The following TRIQK variants were observed in gnomAD, a reference collection of about 807,000 sequenced individuals.
TRIQK encodes the protein triple QxxK/R motif-containing protein.
Under a neutral mutation model 10.8 loss-of-function variants are expected in TRIQK, and 10 were observed. The observed-to-expected ratio is 0.92, with a 90% CI of 0.57 to 1.57. The LOEUF (loss-of-function observed/expected upper bound fraction) is 1.57. Ranked by LOEUF, TRIQK falls within the 40% of genes most tolerant of loss-of-function variation. The pLI, the probability that TRIQK is intolerant of heterozygous loss-of-function variation, is 0.00. For synonymous variants in TRIQK, 33 were observed against 33.7 expected (o/e 0.98, Z 0.07); for missense variants, 107 against 97.7 (o/e 1.09, Z -0.40).
chr8:92,884,314 C>T lies in TRIQK; in HGVS notation c.*2308G>A, dbSNP rs1181184359. ...GGATTTCTCTACAGAGGGTTGGCTG[C>T]TTCCCAGTTAATGTGAGTTTTGCAA... On this transcript the variant is annotated 3_prime_UTR_variant, in exon 5 of 5. Transcript: ENST00000521988. The T allele has an allele frequency of 6.5e-6, 1 of 154,806 alleles. No homozygotes were observed. Among genetic ancestry groups the T allele is most frequent in the East Asian group, 1.9e-4 (1 of 5,258 alleles). The allele number at this position is 154,806 out of a possible 1,614,324, so 9.6% of individuals were successfully genotyped here.
chr8:92,886,411 A>G lies in TRIQK; in HGVS notation c.*211T>C. The G allele has an allele frequency of 3.1e-6, 1 of 323,016 alleles. No homozygotes were observed. Among genetic ancestry groups the G allele is most frequent in the South Asian group, 7.6e-5 (1 of 13,152 alleles). 20.0% of individuals were successfully genotyped at this position (323,016 alleles called of 1,614,324 possible). A position where few individuals can be genotyped will look rare whatever the true frequency, so the allele number is the denominator to read the frequency against. ...AGGGTGGCTGTCAAAGCAGAAAGAT[A>G]TATAAAAGTATCCAGTAGCACATAC... On this transcript the variant is annotated 3_prime_UTR_variant, in exon 5 of 5. Transcript: ENST00000521988.
chr8:92,910,300 T>TTA, intron 3 of TRIQK, among the ~76,000 whole-genome samples: 2 of 151,260 alleles, frequency 1.3e-5, no homozygotes, highest in East Asian at 3.9e-4. Context: ...TATACTTTAT[T>TTA]AAGTCAACTA....
chr8:92,922,167 T>G (rs1224413424), intron 2 of TRIQK: 1 of 151,780 alleles, frequency 6.6e-6, no homozygotes, highest in Non-Finnish European at 1.5e-5. Context: ...AGACAGCACC[T>G]AATTCTATAG....
intron 3 of TRIQK, among the ~76,000 whole-genome samples, chr8:92,913,797 T>G (rs11778361): frequency 0.74 from 111,789 of 151,946 alleles, 41,397 homozygotes; most frequent in Middle Eastern, 0.83. Context: ...CCATAAAAAA[T>G]AATGAGTTCA....
At chr8:92,925,281 G>T (rs537129187) in intron 2 of TRIQK, among the ~76,000 whole-genome samples, 10 of 152,116 alleles carry the variant, frequency 6.6e-5, no homozygotes, top group African/African-American at 2.4e-4. Context: ...GAACGAAGTA[G>T]CTAAGACAAC....
intron 2 of TRIQK, among the ~76,000 whole-genome samples, chr8:92,949,787 AAAGAAAGAAAGAAAGAAAG>A (rs1293334436): frequency 8.5e-5 from 1 of 11,726 alleles, no homozygotes; most frequent in African/African-American, 2.9e-4. Context: ...AAAGAAAAAG[AAAGAAAGAAAGAAAGAAAG>A]AAAGAAAGAA....
rs1021511374 is a variant in TRIQK at position 92,885,610 on chromosome 8, A to C, written c.*1012T>G. 5 of 151,838 alleles carry C rather than the reference A, an allele frequency of 3.3e-5. No homozygotes were observed. Among genetic ancestry groups the C allele is most frequent in the Admixed American group, 6.6e-5 (1 of 15,194 alleles). The allele number at this position is 151,838 out of a possible 1,614,324, so 9.4% of individuals were successfully genotyped here. A position where few individuals can be genotyped will look rare whatever the true frequency, so the allele number is the denominator to read the frequency against. ...CAAATACAAAATACATTGAAAAATT[A>C]TATCAACAGATAATTACATATGAAA... On this transcript the variant is annotated 3_prime_UTR_variant, in exon 5 of 5. Coordinates refer to ENST00000521988, the MANE Select transcript of TRIQK (RefSeq NM_001171797.2).
intron 2 of TRIQK, among the ~76,000 whole-genome samples, chr8:92,919,954 T>C (rs1340769666): frequency 1.3e-5 from 2 of 151,850 alleles, no homozygotes; most frequent in African/African-American, 4.8e-5. Context: ...TAATGATCTT[T>C]TGCATTTCTG....
chr8:92,987,596 G>T (rs1026588729), intron 1 of TRIQK, among the ~76,000 whole-genome samples: 3 of 152,144 alleles, frequency 2.0e-5, no homozygotes, highest in Admixed American at 2.0e-4. Flanking sequence ...ATTACCAGAA[G>T]TAATTGCTTA....
chr8:92,972,420 T>C (rs1356133803), intron 1 of TRIQK, among the ~76,000 whole-genome samples: 1 of 152,222 alleles, frequency 6.6e-6, no homozygotes, highest in Non-Finnish European at 1.5e-5. Context: ...AGCTATATTC[T>C]TTTTGTTATT....
intron 3 of TRIQK, among the ~76,000 whole-genome samples, chr8:92,902,327 T>G (rs1808985343): frequency 6.6e-6 from 1 of 152,154 alleles, no homozygotes. Flanking sequence ...CCAGCTAAGT[T>G]CTTCCCTGTG....
intron 4 of TRIQK, among the ~76,000 whole-genome samples, chr8:92,889,645 A>C (rs1692565629): frequency 6.6e-6 from 1 of 151,624 alleles, no homozygotes; most frequent in Admixed American, 6.6e-5. Flanking sequence ...AATTCAAACA[A>C]ATGTTTTCTC....
At chr8:92,945,419 G>A (rs1046427338) in intron 2 of TRIQK, among the ~76,000 whole-genome samples, 1 of 152,196 alleles carries the variant, frequency 6.6e-6, no homozygotes, top group Admixed American at 6.5e-5. Flanking sequence ...GCCTACTGGG[G>A]TCAGGGGATA....
chr8:93,014,181 A>G (rs1813361554), intron 1 of TRIQK, among the ~76,000 whole-genome samples: 1 of 152,176 alleles, frequency 6.6e-6, no homozygotes, highest in South Asian at 2.1e-4. Flanking sequence ...CAAATAATGA[A>G]TTAGAAATCA....
At chr8:92,993,614 G>A (rs886075236) in intron 1 of TRIQK, among the ~76,000 whole-genome samples, 1 of 152,186 alleles carries the variant, frequency 6.6e-6, no homozygotes, top group African/African-American at 2.4e-5. Flanking sequence ...CAGAATAAAA[G>A]CCAACACCAA....
chr8:92,960,299 A>G (rs1462766777), intron 1 of TRIQK, among the ~76,000 whole-genome samples: 2 of 152,114 alleles, frequency 1.3e-5, no homozygotes, highest in African/African-American at 4.8e-5. Flanking sequence ...TCCATATATC[A>G]TCTTTTTATG....
chr8:92,955,131 G>A (rs942198794), intron 1 of TRIQK, among the ~76,000 whole-genome samples: 3 of 151,814 alleles, frequency 2.0e-5, no homozygotes, highest in African/African-American at 7.2e-5. Context: ...ATGAACTTAT[G>A]TCAAGTTTTA....
Position 92,935,772 on chromosome 8 carries a change from G to GATTA in TRIQK, c.-22+18630_-22+18633dup, listed in dbSNP as rs1001720149. 3.7e-3 allele frequency among the ~76,000 whole-genome samples: 565 copies of GATTA among 151,450 alleles called. 5 individuals carry two copies. The highest frequency in any genetic ancestry group is 0.013 in the African/African-American group (532 of 41,448). Reference sequence around the variant, plus strand: ...AAAAAAAGACTCAATATTCAGCAGAGATTAACATTATATAACAAGAAGATT... The same window carrying GATTA: ...AAAAAAAGACTCAATATTCAGCAGAGATTAATTAACATTATATAACAAGAAGATT... On this transcript the variant is annotated intron_variant, in intron 2 of 4. Transcript: ENST00000521988.
chr8:92,956,972 C>T (rs757913005), intron 1 of TRIQK, among the ~76,000 whole-genome samples: 1 of 151,760 alleles, frequency 6.6e-6, no homozygotes, highest in Non-Finnish European at 1.5e-5. Flanking sequence ...CATCACATAC[C>T]ACAAATTTTC....
Sources: allele counts gnomAD v4.1 joint callset (sites outside exome capture counted in the v4.1 genomes callset), GRCh38; gene constraint gnomAD v4.1.1; transcripts MANE v1.5; gene names NCBI Gene and HGNC (gene_info 2026-07-23, HGNC 2026-07-21).